The following INPP4B variants were observed in gnomAD, a reference collection of about 807,000 sequenced individuals.
INPP4B encodes inositol polyphosphate 4-phosphatase type II.
A neutral mutation model predicts 122.5 loss-of-function variants in INPP4B; 55 were observed. That is an observed-to-expected ratio of 0.45 (90% CI 0.36 to 0.56). The LOEUF (loss-of-function observed/expected upper bound fraction) is 0.56, where lower values mean the gene tolerates loss of function less well. INPP4B is among the 20% of genes least tolerant of loss of function. INPP4B has a pLI of 0.00. For synonymous variants in INPP4B, 403 were observed against 388.7 expected, an observed-to-expected ratio of 1.04 and a Z score of -0.43; for missense variants, 1,000 against 1,097.7, an observed-to-expected ratio of 0.91 and a Z score of 1.26.
intron 1 of INPP4B, among the ~76,000 whole-genome samples, chr4:142,792,402 G>T (rs1352667956): frequency 3.3e-5 from 5 of 151,750 alleles, no homozygotes; most frequent in African/African-American, 1.2e-4. Flanking sequence ...CACAGCAAAG[G>T]TTCATTTTGC....
At chr4:142,282,323 G>C (rs150878591) in intron 9 of INPP4B, among the ~76,000 whole-genome samples, 1 of 152,158 alleles carries the variant, frequency 6.6e-6, no homozygotes, top group African/African-American at 2.4e-5. Context: ...AGATGCCAAT[G>C]TGGCTAAAGC....
intron 18 of INPP4B, among the ~76,000 whole-genome samples, chr4:142,145,194 G>A (rs1810032757): frequency 1.3e-5 from 2 of 151,948 alleles, no homozygotes; most frequent in South Asian, 4.2e-4. Context: ...CTTGTAATAA[G>A]GTATACATTT....
chr4:142,590,881 C>CAAA (rs59459819), intron 2 of INPP4B, among the ~76,000 whole-genome samples: 5 of 93,632 alleles, frequency 5.3e-5, no homozygotes, highest in Non-Finnish European at 8.4e-5. Flanking sequence ...TATCATTCTC[C>CAAA]AAAAAAAAAA....
At chr4:142,103,909 A>T (rs1785725045) in intron 23 of INPP4B, among the ~76,000 whole-genome samples, 1 of 151,992 alleles carries the variant, frequency 6.6e-6, no homozygotes, top group Admixed American at 6.6e-5. Flanking sequence ...TACAATCCTT[A>T]TTGATGTAGT....
At chr4:142,246,087 T>G (rs1728584992) in intron 11 of INPP4B, among the ~76,000 whole-genome samples, 1 of 147,436 alleles carries the variant, frequency 6.8e-6, no homozygotes, top group African/African-American at 2.6e-5. Flanking sequence ...ACATTATATA[T>G]ATGTGTGTGT....
chr4:142,352,879 C>A (rs1269034909), intron 7 of INPP4B, among the ~76,000 whole-genome samples: 1 of 151,852 alleles, frequency 6.6e-6, no homozygotes, highest in East Asian at 1.9e-4. Context: ...GCTACGTTAT[C>A]CATGGAAACT....
chr4:142,384,558 T>TAG (rs1316019020), intron 7 of INPP4B, among the ~76,000 whole-genome samples: 1 of 151,738 alleles, frequency 6.6e-6, no homozygotes, highest in Admixed American at 6.6e-5. Flanking sequence ...CTTACAGTAC[T>TAG]AGAGTCTTAT....
intron 23 of INPP4B, among the ~76,000 whole-genome samples, chr4:142,104,039 T>C (rs1785795337): frequency 6.6e-6 from 1 of 152,152 alleles, no homozygotes; most frequent in East Asian, 1.9e-4. Flanking sequence ...CTCACTCTTA[T>C]AGTGCTAGCA....
intron 6 of INPP4B, among the ~76,000 whole-genome samples, chr4:142,404,892 T>C (rs1464118025): frequency 1.3e-5 from 2 of 151,910 alleles, no homozygotes; most frequent in African/African-American, 4.8e-5. Flanking sequence ...GAATTTAAAG[T>C]GGGAACTTTT....
chr4:142,730,157 T>G (rs1411004203), intron 1 of INPP4B, among the ~76,000 whole-genome samples: 2 of 152,266 alleles, frequency 1.3e-5, no homozygotes, highest in South Asian at 4.1e-4. Flanking sequence ...CCTTTTGGAT[T>G]GGAAACGTAG....
chr4:142,404,598 TC>T (rs1410717054), intron 6 of INPP4B, among the ~76,000 whole-genome samples: 1 of 152,210 alleles, frequency 6.6e-6, no homozygotes, highest in African/African-American at 2.4e-5. Context: ...ATAGGAAACC[TC>T]CCATCTGATG....
intron 5 of INPP4B, among the ~76,000 whole-genome samples, chr4:142,415,565 C>G (rs1231356313): frequency 6.6e-6 from 1 of 151,940 alleles, no homozygotes; most frequent in East Asian, 1.9e-4. Context: ...GGACTGTAAA[C>G]TAGTTCAACC....
At chr4:142,561,123 T>C (rs1042935212) in intron 2 of INPP4B, among the ~76,000 whole-genome samples, 2 of 152,202 alleles carry the variant, frequency 1.3e-5, no homozygotes, top group African/African-American at 4.8e-5. Context: ...AACTCACTAA[T>C]AGTATAATTT....
chr4:142,426,249 T>A (rs1808031266), intron 5 of INPP4B, among the ~76,000 whole-genome samples: 1 of 152,004 alleles, frequency 6.6e-6, no homozygotes. Flanking sequence ...TTTATATACT[T>A]GTCAAGATTA....
At chr4:142,832,311 A>T (rs1173368577) in intron 1 of INPP4B, among the ~76,000 whole-genome samples, 5 of 152,170 alleles carry the variant, frequency 3.3e-5, no homozygotes, top group African/African-American at 1.2e-4. Context: ...TGAAAAAAAA[A>T]TTGGCTAGAA....
chr4:142,492,199 C>T (rs532058780), intron 2 of INPP4B, among the ~76,000 whole-genome samples: 6 of 152,222 alleles, frequency 3.9e-5, no homozygotes, highest in African/African-American at 9.6e-5. Context: ...GAGGCCTCTC[C>T]AGACATGTTG....
intron 2 of INPP4B, among the ~76,000 whole-genome samples, chr4:142,498,056 T>C (rs1337834764): frequency 6.6e-6 from 1 of 151,778 alleles, no homozygotes; most frequent in African/African-American, 2.4e-5. Flanking sequence ...GAACTTGAAA[T>C]TATAGCACAA....
intron 2 of INPP4B, among the ~76,000 whole-genome samples, chr4:142,678,447 T>G (rs1386800184): frequency 6.6e-6 from 1 of 151,932 alleles, no homozygotes; most frequent in African/African-American, 2.4e-5. Context: ...GACAACTGAG[T>G]GTGTGTGATC....
intron 25 of INPP4B, among the ~76,000 whole-genome samples, chr4:142,067,412 C>T (rs982883848): frequency 2.0e-5 from 3 of 152,168 alleles, no homozygotes; most frequent in Non-Finnish European, 4.4e-5. Flanking sequence ...AAAATCAGAG[C>T]ACCTTTTCTC....
Sources: gnomAD v4.1 joint callset for allele counts (sites outside exome capture counted in the v4.1 genomes callset) on GRCh38, gnomAD v4.1.1 for gene constraint, MANE v1.5 for transcripts, NCBI Gene and HGNC (gene_info 2026-07-23, HGNC 2026-07-21) for gene names.